POMK: variants seen among roughly 807,000 people sequenced by gnomAD.
POMK encodes the protein protein O-mannose kinase, also known as Sugen kinase 196.
Under a neutral mutation model 23.0 loss-of-function variants are expected in POMK, and 19 were observed. The observed-to-expected ratio is 0.83, with a 90% CI of 0.58 to 1.21. POMK has a LOEUF of 1.21. Among genes scored for constraint, POMK ranks in the 50% most tolerant of loss-of-function variants. The pLI is 0.00. For synonymous variants in POMK, 173 were observed against 171.6 expected, an observed-to-expected ratio of 1.01 and a Z score of -0.06; for missense variants, 410 against 431.3, an observed-to-expected ratio of 0.95 and a Z score of 0.44.
At chr8:43,110,737 A>G (rs1171739207) in intron 4 of POMK, among the ~76,000 whole-genome samples, 2 of 152,120 alleles carry the variant, frequency 1.3e-5, no homozygotes, top group African/African-American at 4.8e-5. Context: ...AACATGGTAA[A>G]ACCCCATCTC....
intron 2 of POMK, among the ~76,000 whole-genome samples, chr8:43,100,766 GT>G (rs1175916505): frequency 1.3e-5 from 2 of 152,048 alleles, no homozygotes; most frequent in Non-Finnish European, 2.9e-5. Context: ...GATGAGGATT[GT>G]GGATCTCTGT....
chr8:43,106,332 G>T (rs1310370319), intron 4 of POMK, among the ~76,000 whole-genome samples: 1 of 151,872 alleles, frequency 6.6e-6, no homozygotes, highest in Non-Finnish European at 1.5e-5. Context: ...CCCATTTTTT[G>T]ATCATATTGT....
At chr8:43,120,950 T>A (rs569913337) in intron 4 of POMK, among the ~76,000 whole-genome samples, 3 of 152,332 alleles carry the variant, frequency 2.0e-5, no homozygotes, top group Admixed American at 1.3e-4. Context: ...GTGTTGGAAT[T>A]ACAGGTGTGA....
chr8:43,102,204 G>T (rs1214505870), intron 2 of POMK, among the ~76,000 whole-genome samples: 3 of 152,214 alleles, frequency 2.0e-5, no homozygotes, highest in Non-Finnish European at 2.9e-5. Flanking sequence ...GTAATTCACT[G>T]TGTGTGAATG....
chr8:43,121,451 C>T (rs1461371933), intron 4 of POMK, among the ~76,000 whole-genome samples: 1 of 152,204 alleles, frequency 6.6e-6, no homozygotes, highest in Non-Finnish European at 1.5e-5. Context: ...CATTTCAGCT[C>T]CTGCCTTTAC....
At chr8:43,117,441 C>T (rs1811823158) in intron 4 of POMK, among the ~76,000 whole-genome samples, 1 of 152,046 alleles carries the variant, frequency 6.6e-6, no homozygotes, top group Non-Finnish European at 1.5e-5. Context: ...AGTGAGTGGG[C>T]TGAGGAGGAG....
Position 43,122,292 on chromosome 8 carries a change from CT to C in POMK, c.470del (p.Leu157Ter). 1 of 1,614,196 alleles carries C rather than the reference CT, an allele frequency of 6.2e-7. No homozygotes were observed. The highest frequency in any genetic ancestry group is 8.5e-7 in the Non-Finnish European group (1 of 1,180,036). Reference sequence around the variant, plus strand: ...TTACTGAATATCACCCTCTAGGTTCCTTGAGTAACCTGGAAGAAACACTAAA... The same window carrying C: ...TTACTGAATATCACCCTCTAGGTTCCTGAGTAACCTGGAAGAAACACTAAA... ...MLTEYHPLGS[L>X]SNLEETLNLS... is the part of the protein sequence containing the mutation. On this transcript the variant is annotated frameshift_variant, in exon 5 of 5. Coordinates refer to ENST00000331373, the MANE Select transcript of POMK (RefSeq NM_032237.5). LOFTEE classifies it high-confidence loss of function.
rs1441067316 is a variant in POMK, at chr8:43,103,766, C to T, written c.218C>T (p.Ser73Phe). 2 of 1,614,218 alleles carry T rather than the reference C, an allele frequency of 1.2e-6. No homozygotes were observed. Among genetic ancestry groups the T allele is most frequent in the Non-Finnish European group, 1.7e-6 (2 of 1,180,044 alleles). Residue 73 changes from serine (S) to phenylalanine (F), a missense_variant, in exon 4 of 5, where the codon TCC becomes TTC. Coordinates refer to ENST00000331373, the MANE Select transcript of POMK (RefSeq NM_032237.5). ...GQMKNCSPWL[S>F]CEELRTEVRQ... ...ATGAAAAACTGCTCACCTTGGCTGTCCTGCGAGGAGCTGAGAACAGAAGTG... is the reference window on the plus strand; with the variant it reads ...ATGAAAAACTGCTCACCTTGGCTGTTCTGCGAGGAGCTGAGAACAGAAGTG...
chr8:43,109,083 T>C (rs996724946), intron 4 of POMK, among the ~76,000 whole-genome samples: 1 of 152,264 alleles, frequency 6.6e-6, no homozygotes, highest in Non-Finnish European at 1.5e-5. Flanking sequence ...AATATGTCTT[T>C]TGTACTTTAG....
At chr8:43,104,937 G>C (rs1811517197) in intron 4 of POMK, among the ~76,000 whole-genome samples, 1 of 148,596 alleles carries the variant, frequency 6.7e-6, no homozygotes, top group Non-Finnish European at 1.5e-5. Flanking sequence ...GTCTCCAAAG[G>C]AAAAAAAAAA....
At chr8:43,093,635 T>G (rs776834340) in intron 1 of POMK, 72 bp downstream of exon 1, 153 of 153,090 alleles carry the variant, frequency 1.0e-3, no homozygotes, top group Middle Eastern at 3.4e-3. Context: ...CGGGGGACCC[T>G]GTACGTGGCC....
rs568574176 is a variant in POMK at position 43,108,322 on chromosome 8, C to A, written c.282+4492C>A. ...AGGAAAGCATGCCATTCTAGTCAAA[C>A]CCTTGGTAAAATAACCAGTGTTTTC... On this transcript the variant is annotated intron_variant, in intron 4 of 4. Coordinates refer to ENST00000331373, the MANE Select transcript of POMK (RefSeq NM_032237.5). Among the ~76,000 whole-genome samples the A allele has an allele frequency of 3.2e-4, 48 of 152,078 alleles. No individual in the cohort carries two copies. The South Asian group carries it at 8.3e-3, about 26-fold the overall frequency.
At chr8:43,118,368 A>G (rs747969143) in intron 4 of POMK, among the ~76,000 whole-genome samples, 4 of 152,222 alleles carry the variant, frequency 2.6e-5, no homozygotes, top group Non-Finnish European at 5.9e-5. Flanking sequence ...ACAAGTGTAC[A>G]TTAATAAATA....
intron 4 of POMK, among the ~76,000 whole-genome samples, chr8:43,104,636 C>T (rs926621547): frequency 1.3e-5 from 2 of 152,050 alleles, no homozygotes; most frequent in African/African-American, 2.4e-5. Flanking sequence ...TGTGAAATTA[C>T]GTGTATATGT....
At chr8:43,094,456 C>T (rs759567475) in intron 1 of POMK, among the ~76,000 whole-genome samples, 59 of 152,214 alleles carry the variant, frequency 3.9e-4, no homozygotes, top group Non-Finnish European at 7.8e-4. Context: ...GTTTATTCTG[C>T]ACGAGATCAT....
chr8:43,104,937 GAA>G (rs576049026), intron 4 of POMK, among the ~76,000 whole-genome samples: 2 of 148,596 alleles, frequency 1.3e-5, no homozygotes, highest in African/African-American at 4.9e-5. Context: ...GTCTCCAAAG[GAA>G]AAAAAAAATA....
At chr8:43,112,822 T>G (rs1387190556) in intron 4 of POMK, among the ~76,000 whole-genome samples, 2 of 152,154 alleles carry the variant, frequency 1.3e-5, no homozygotes, top group African/African-American at 4.8e-5. Flanking sequence ...CTAAGCTTCA[T>G]CAGTGAAGGA....
At chr8:43,107,966 A>T (rs1352877589) in intron 4 of POMK, among the ~76,000 whole-genome samples, 1 of 152,246 alleles carries the variant, frequency 6.6e-6, no homozygotes, top group Non-Finnish European at 1.5e-5. Flanking sequence ...TACAGGCATG[A>T]GCCTCTGCGC....
At chr8:43,107,620 G>C (rs1419588018) in intron 4 of POMK, among the ~76,000 whole-genome samples, 1 of 151,956 alleles carries the variant, frequency 6.6e-6, no homozygotes, top group African/African-American at 2.4e-5. Context: ...TGATCTGCCT[G>C]CCTTGGTCTC....
Sources: allele counts gnomAD v4.1 joint callset (sites outside exome capture counted in the v4.1 genomes callset), GRCh38; gene constraint gnomAD v4.1.1; transcripts MANE v1.5; gene names NCBI Gene and HGNC (gene_info 2026-07-23, HGNC 2026-07-21).